EPHA5: variants seen among roughly 807,000 people sequenced by gnomAD.
EPHA5 encodes the protein ephrin type-A receptor 5.
In EPHA5, 60 loss-of-function variants were observed where a neutral mutation model predicts 105.0. That is an observed-to-expected ratio of 0.57 (90% CI 0.46 to 0.71). The LOEUF is 0.71. Among genes scored for constraint, EPHA5 ranks in the 30% least tolerant of loss-of-function variants. EPHA5 has a pLI of 0.00. For missense variants in EPHA5, 1,218 were observed against 1,274.7 expected (o/e 0.96, Z 0.68); for synonymous variants, 513 against 449.1 (o/e 1.14, Z -1.80).
chr4:65,658,179 T>G (rs1749238078), intron 1 of EPHA5, among the ~76,000 whole-genome samples: 2 of 151,990 alleles, frequency 1.3e-5, no homozygotes, highest in South Asian at 4.1e-4. Context: ...GGCATAAATA[T>G]CAAATTATTT....
intron 3 of EPHA5, among the ~76,000 whole-genome samples, chr4:65,561,860 T>A (rs953820092): frequency 6.6e-6 from 1 of 152,056 alleles, no homozygotes; most frequent in Non-Finnish European, 1.5e-5. Flanking sequence ...AATATAAACA[T>A]AAGTGCCTAT....
intron 8 of EPHA5, among the ~76,000 whole-genome samples, chr4:65,368,693 G>C (rs1204538415): frequency 6.6e-6 from 1 of 152,048 alleles, no homozygotes; most frequent in Non-Finnish European, 1.5e-5. Context: ...CTTTTCTATT[G>C]CATTACCTAT....
chr4:65,348,278 A>G, intron 13 of EPHA5, 75 bp from the exon 14 acceptor site: 1 of 1,312,194 alleles, frequency 7.6e-7, no homozygotes, highest in Non-Finnish European at 1.1e-6. Flanking sequence ...CTCACTGAAA[A>G]GATCTAGACA....
chr4:65,555,203 T>C (rs1405872819), intron 3 of EPHA5, among the ~76,000 whole-genome samples: 1 of 151,928 alleles, frequency 6.6e-6, no homozygotes, highest in African/African-American at 2.4e-5. Context: ...TTAGTAGCAA[T>C]GGATATGTGT....
Position 65,500,413 on chromosome 4 carries a change from A to G in EPHA5, c.911-4870T>C, listed in dbSNP as rs143802277. Among the ~76,000 whole-genome samples, 387 of 151,366 alleles carry G rather than the reference A, an allele frequency of 2.6e-3. 1 individual carries two copies. Among genetic ancestry groups the G allele is most frequent in the South Asian group, 7.7e-3 (37 of 4,824 alleles). ...TTTTAAATGCAACCATTTCCATAGTATATATGCTAATCTGCAAGAATACAT... is the reference window on the plus strand; with the variant it reads ...TTTTAAATGCAACCATTTCCATAGTGTATATGCTAATCTGCAAGAATACAT... On this transcript the variant is annotated intron_variant, in intron 3 of 16. Transcript: ENST00000613740.
At position 65,488,885 on chromosome 4, in the gene EPHA5, A is replaced by ATTTTTTT. The variant is rs5858962; in HGVS notation, c.1402+1485_1402+1491dup. 5.6e-4 allele frequency among the ~76,000 whole-genome samples: 66 copies of ATTTTTTT among 117,764 alleles called. 6 individuals carry two copies. Among genetic ancestry groups the ATTTTTTT allele is most frequent in the Middle Eastern group, 6.3e-3 (1 of 160 alleles). The allele number at this position is 117,764 out of a possible 152,430, so 77.3% of individuals were successfully genotyped here. On this transcript the variant is annotated intron_variant, in intron 5 of 16. Coordinates refer to ENST00000613740, the MANE Select transcript of EPHA5 (RefSeq NM_001281766.3). ...ATCAACTCTGAACTCAGCTGCATGCATTTTTTTTTTTTTTTTTTGAGACGG... is the reference window on the plus strand; with the variant it reads ...ATCAACTCTGAACTCAGCTGCATGCATTTTTTTTTTTTTTTTTTTTTTTTTGAGACGG...
At chr4:65,446,797 C>A (rs1041823928) in intron 5 of EPHA5, among the ~76,000 whole-genome samples, 12 of 151,756 alleles carry the variant, frequency 7.9e-5, no homozygotes, top group African/African-American at 2.9e-4. Context: ...TATATGGCTG[C>A]GACACAAATG....
intron 6 of EPHA5, among the ~76,000 whole-genome samples, chr4:65,415,894 C>T (rs967303593): frequency 6.6e-6 from 1 of 151,960 alleles, no homozygotes; most frequent in African/African-American, 2.4e-5. Flanking sequence ...CAACTGTAAA[C>T]AGCTTCTATA....
At chr4:65,492,538 C>CAAA (rs10543479) in intron 4 of EPHA5, among the ~76,000 whole-genome samples, 2 of 84,940 alleles carry the variant, frequency 2.4e-5, no homozygotes, top group African/African-American at 4.5e-5. Context: ...GACATCTTTG[C>CAAA]AAAAAAAAAA....
intron 3 of EPHA5, among the ~76,000 whole-genome samples, chr4:65,589,813 G>A (rs1250282655): frequency 6.6e-6 from 1 of 152,144 alleles, no homozygotes; most frequent in African/African-American, 2.4e-5. Context: ...AGATTGTGAG[G>A]CATAAAAGTA....
intron 1 of EPHA5, among the ~76,000 whole-genome samples, chr4:65,658,788 A>C (rs1441120451): frequency 6.6e-6 from 1 of 152,032 alleles, no homozygotes; most frequent in Non-Finnish European, 1.5e-5. Flanking sequence ...ACCTCAGCTA[A>C]AATGTTGCAC....
chr4:65,485,501 G>T (rs939894475), intron 5 of EPHA5, among the ~76,000 whole-genome samples: 2 of 151,966 alleles, frequency 1.3e-5, no homozygotes, highest in Non-Finnish European at 2.9e-5. Context: ...ATTATTACAT[G>T]CAAAAAAGTA....
chr4:65,610,387 G>T (rs1744655764), intron 2 of EPHA5, among the ~76,000 whole-genome samples: 1 of 152,026 alleles, frequency 6.6e-6, no homozygotes, highest in Non-Finnish European at 1.5e-5. Flanking sequence ...GTGTGTGGCT[G>T]TATGGGTTGG....
At chr4:65,532,717 ACTCT>A (rs1365382962) in intron 3 of EPHA5, among the ~76,000 whole-genome samples, 4 of 107,670 alleles carry the variant, frequency 3.7e-5, no homozygotes, top group African/African-American at 1.5e-4. Flanking sequence ...CTTTTTTTAT[ACTCT>A]CTGTCTAATA....
At chr4:65,444,811 G>T (rs896635129) in intron 5 of EPHA5, among the ~76,000 whole-genome samples, 1 of 151,918 alleles carries the variant, frequency 6.6e-6, no homozygotes, top group African/African-American at 2.4e-5. Context: ...TTGCTTGGTT[G>T]CTTTTAGAAG....
chr4:65,601,867 T>A lies in EPHA5; in HGVS notation c.684A>T (p.Val228=), dbSNP rs140823399. ...CCACAGAAGGGCATTTTTTATAGTA[T>A]ACACGCACAGAAACCAGAGCAATGC... ...GACIALVSVR[V]YYKKCPSVVR... is the part of the protein sequence containing the mutation. Residue 228 remains valine (V), a synonymous_variant, in exon 3 of 17, where the codon GTA becomes GTT. Transcript: ENST00000613740. 18 of 1,614,008 alleles carry A rather than the reference T, an allele frequency of 1.1e-5. 1 individual carries two copies. In the African/African-American group the frequency reaches 1.7e-4, roughly 16 times the overall value.
At chr4:65,593,994 C>T (rs951596542) in intron 3 of EPHA5, among the ~76,000 whole-genome samples, 2 of 152,130 alleles carry the variant, frequency 1.3e-5, no homozygotes, top group Non-Finnish European at 2.9e-5. Flanking sequence ...TTTTCACGAT[C>T]GAATTTCTCT....
At chr4:65,407,845 G>A (rs982450816) in intron 7 of EPHA5, among the ~76,000 whole-genome samples, 7 of 151,598 alleles carry the variant, frequency 4.6e-5, no homozygotes, top group Non-Finnish European at 1.0e-4. Flanking sequence ...AACCTCTGCT[G>A]CCAGGGCTCA....
At chr4:65,366,948 T>C (rs1314904943) in intron 9 of EPHA5, among the ~76,000 whole-genome samples, 1 of 151,268 alleles carries the variant, frequency 6.6e-6, no homozygotes, top group Non-Finnish European at 1.5e-5. Context: ...TTCAGGTAAA[T>C]TCCCACTAAA....
Sources: allele counts gnomAD v4.1 joint callset (sites outside exome capture counted in the v4.1 genomes callset), GRCh38; gene constraint gnomAD v4.1.1; transcripts MANE v1.5; gene names NCBI Gene and HGNC (gene_info 2026-07-23, HGNC 2026-07-21).